The following DNAH14 variants were observed in gnomAD, a reference collection of about 807,000 sequenced individuals.
DNAH14 encodes dynein axonemal heavy chain 14, also known as axonemal beta dynein heavy chain 14.
DNAH14 carries 478 observed loss-of-function variants against 520.9 expected under a neutral mutation model. The observed-to-expected ratio is 0.92, with a 90% CI of 0.85 to 0.99. DNAH14 has a LOEUF of 0.99. Among genes scored for constraint, DNAH14 ranks in the 50% least tolerant of loss-of-function variants. The pLI is 0.00. For synonymous variants in DNAH14, 1,581 were observed against 1,757.2 expected (o/e 0.90, Z 2.51); for missense variants, 4,831 against 5,234.5 (o/e 0.92, Z 2.38).
chr1:225,062,565 A>G (rs1256399717), intron 17 of DNAH14, among the ~76,000 whole-genome samples: 2 of 152,132 alleles, frequency 1.3e-5, no homozygotes, highest in African/African-American at 4.8e-5. Flanking sequence ...AAAAAGCCCC[A>G]GAAATCTGCC....
chr1:225,058,429 T>C (rs1343409956), intron 17 of DNAH14, among the ~76,000 whole-genome samples: 2 of 152,186 alleles, frequency 1.3e-5, no homozygotes, highest in South Asian at 2.1e-4. Context: ...CTTTTCTTCT[T>C]TATTAGTCTT....
chr1:225,356,730 G>A (rs187143296), intron 73 of DNAH14, among the ~76,000 whole-genome samples: 57 of 152,244 alleles, frequency 3.7e-4, no homozygotes, highest in Non-Finnish European at 1.8e-4. Context: ...AAGAAACAAC[G>A]TATCTAGGGA....
chr1:225,217,844 G>C (rs1474691924), intron 41 of DNAH14, among the ~76,000 whole-genome samples: 2 of 152,116 alleles, frequency 1.3e-5, no homozygotes, highest in Non-Finnish European at 2.9e-5. Flanking sequence ...GATCCCTTGG[G>C]CTTCCCGGGT....
At position 225,147,174 on chromosome 1, in the gene DNAH14, T is replaced by G. The variant is rs1337487499; in HGVS notation, c.4865T>G (p.Ile1622Ser). The change falls in exon 31 of 86, where the codon ATT becomes AGT. Residue 1622 changes from isoleucine to serine, a missense_variant. Transcript: ENST00000682510. ...AGTTGTTTTGATGAATTCAATCTAA[T>G]TGATTTGGAAGTTCTCTCTGTCATT... ...AWSCFDEFNL[I>S]DLEVLSVIAS... 7 of 1,550,924 alleles carry G rather than the reference T, an allele frequency of 4.5e-6. No homozygotes were observed. The highest frequency in any genetic ancestry group is 6.1e-6 in the Non-Finnish European group (7 of 1,146,696).
intron 55 of DNAH14, among the ~76,000 whole-genome samples, chr1:225,292,763 T>G (rs1272776655): frequency 6.6e-6 from 1 of 152,162 alleles, no homozygotes; most frequent in African/African-American, 2.4e-5. Flanking sequence ...TGTACCCTGT[T>G]CAGTTTCTTC....
At chr1:225,221,497 G>A (rs1558069252) in intron 41 of DNAH14, among the ~76,000 whole-genome samples, 2 of 152,122 alleles carry the variant, frequency 1.3e-5, no homozygotes, top group East Asian at 3.9e-4. Flanking sequence ...TAAAGGATAT[G>A]AACAGACACT....
At chr1:225,077,497 A>C (rs1558879105) in intron 17 of DNAH14, among the ~76,000 whole-genome samples, 1 of 151,524 alleles carries the variant, frequency 6.6e-6, no homozygotes, top group African/African-American at 2.4e-5. Flanking sequence ...GTATTTCAAA[A>C]TTTTTTGGGC....
intron 41 of DNAH14, among the ~76,000 whole-genome samples, chr1:225,211,138 C>G: frequency 6.6e-6 from 1 of 152,310 alleles, no homozygotes; most frequent in Non-Finnish European, 1.5e-5. Flanking sequence ...GGCAACAAAA[C>G]TGAATGGAGA....
chr1:224,970,279 A>G (rs925872570), intron 7 of DNAH14, among the ~76,000 whole-genome samples: 7 of 152,154 alleles, frequency 4.6e-5, no homozygotes, highest in Non-Finnish European at 8.8e-5. Context: ...TTCCCGCCTA[A>G]TAAATTTTGG....
intron 84 of DNAH14, among the ~76,000 whole-genome samples, chr1:225,393,462 G>A (rs1328481243): frequency 6.6e-6 from 1 of 152,182 alleles, no homozygotes; most frequent in African/African-American, 2.4e-5. Context: ...GGTAATTTGT[G>A]TACCCAAACA....
At chr1:224,956,859 CTCCAACAGAG>C (rs1477599477) in intron 3 of DNAH14, among the ~76,000 whole-genome samples, 1 of 152,050 alleles carries the variant, frequency 6.6e-6, no homozygotes, top group East Asian at 1.9e-4. Context: ...AAAGCTTCCC[CTCCAACAGAG>C]TGAAAAGTAG....
At chr1:225,213,199 G>C (rs12091059) in intron 41 of DNAH14, among the ~76,000 whole-genome samples, 2 of 152,094 alleles carry the variant, frequency 1.3e-5, no homozygotes, top group Non-Finnish European at 2.9e-5. Context: ...TGTCAGGTTT[G>C]TCAAAGATCA....
intron 77 of DNAH14, among the ~76,000 whole-genome samples, chr1:225,370,028 G>A (rs1221871935): frequency 1.3e-5 from 2 of 151,996 alleles, no homozygotes; most frequent in East Asian, 1.9e-4. Flanking sequence ...GGTGGCTCAC[G>A]CCCATAATCC....
intron 42 of DNAH14, among the ~76,000 whole-genome samples, chr1:225,235,566 G>A (rs1484065990): frequency 6.6e-6 from 1 of 152,190 alleles, no homozygotes; most frequent in East Asian, 1.9e-4. Flanking sequence ...AAGGAGTTAG[G>A]GAGGAGTCCC....
intron 10 of DNAH14, among the ~76,000 whole-genome samples, chr1:225,011,875 G>A (rs1475760458): frequency 6.7e-6 from 1 of 149,098 alleles, no homozygotes; most frequent in African/African-American, 2.5e-5. Flanking sequence ...CCTGAATACA[G>A]CACACCGATG....
chr1:225,354,392 A>G (rs934719785), intron 73 of DNAH14: 56 of 629,032 alleles, frequency 8.9e-5, no homozygotes, highest in Admixed American at 7.2e-4. Flanking sequence ...CAGCACCTCT[A>G]TTTCTCAATT....
At chr1:225,007,025 G>C (rs973494716) in intron 9 of DNAH14, among the ~76,000 whole-genome samples, 1 of 152,106 alleles carries the variant, frequency 6.6e-6, no homozygotes, top group Admixed American at 6.6e-5. Context: ...GAAATATTGG[G>C]TGCTGGTTTC....
chr1:225,334,323 T>TA (rs1430244098), intron 66 of DNAH14, among the ~76,000 whole-genome samples: 5 of 151,216 alleles, frequency 3.3e-5, no homozygotes, highest in African/African-American at 9.7e-5. Context: ...AGACCGTGTC[T>TA]AAAAAAAAAT....
At chr1:225,193,677 G>A (rs570170895) in intron 38 of DNAH14, among the ~76,000 whole-genome samples, 17 of 152,144 alleles carry the variant, frequency 1.1e-4, no homozygotes, top group South Asian at 4.2e-4. Flanking sequence ...CCTATTCAGC[G>A]TAGTATTGCA....
Sources: gnomAD v4.1 joint callset for allele counts (sites outside exome capture counted in the v4.1 genomes callset) on GRCh38, gnomAD v4.1.1 for gene constraint, MANE v1.5 for transcripts, NCBI Gene and HGNC (gene_info 2026-07-23, HGNC 2026-07-21) for gene names.